Variants in AKIRIN1 observed in about 807,000 individuals in gnomAD.
AKIRIN1 encodes the protein akirin 1, also known as akirin-1.
A neutral mutation model predicts 25.9 loss-of-function variants in AKIRIN1; 4 were observed. The ratio of observed to expected loss-of-function variants is 0.15; its 90% CI spans 0.08 to 0.35. The LOEUF is 0.35. AKIRIN1 is among the 10% of genes least tolerant of loss of function. AKIRIN1 has a pLI of 1.00. For missense variants in AKIRIN1, 243 were observed against 266.1 expected, an observed-to-expected ratio of 0.91 and a Z score of 0.61; for synonymous variants, 125 against 105.1, an observed-to-expected ratio of 1.19 and a Z score of -1.16.
chr1:38,994,361 AT>A (rs1390901720), intron 1 of AKIRIN1, among the ~76,000 whole-genome samples: 1 of 152,174 alleles, frequency 6.6e-6, no homozygotes, highest in East Asian at 1.9e-4. Flanking sequence ...TTAAATCTTT[AT>A]TGAGTGCTAG....
chr1:39,001,740 C>T (rs1049717477), intron 3 of AKIRIN1, among the ~76,000 whole-genome samples: 4 of 152,170 alleles, frequency 2.6e-5, no homozygotes, highest in South Asian at 4.1e-4. Flanking sequence ...TGAAAAGAAA[C>T]AAACCAAGCT....
chr1:38,991,284 C>A lies in AKIRIN1; in HGVS notation c.-97C>A. 2 of 1,084,904 alleles carry A rather than the reference C, an allele frequency of 1.8e-6. No homozygotes were observed. The highest frequency in any genetic ancestry group is 2.4e-6 in the Non-Finnish European group (2 of 830,212). The allele number at this position is 1,084,904 out of a possible 1,614,324, so 67.2% of individuals were successfully genotyped here. A position where few individuals can be genotyped will look rare whatever the true frequency, so the allele number is the denominator to read the frequency against. On this transcript the variant is annotated 5_prime_UTR_variant, in exon 1 of 5. Coordinates refer to ENST00000432648, the MANE Select transcript of AKIRIN1 (RefSeq NM_024595.3). The stretch of plus-strand genomic sequence containing the variant: ...CAGCGCCGCTGCCGGGTGCTGGAGG[C>A]GCCATTGGAGCCGGCTTGGCTGGCG...
chr1:38,998,832 C>A (rs1216911441), intron 2 of AKIRIN1, among the ~76,000 whole-genome samples: 1 of 151,650 alleles, frequency 6.6e-6, no homozygotes, highest in Non-Finnish European at 1.5e-5. Context: ...TGAGATGACA[C>A]CATTGTACTC....
chr1:38,999,706 G>GA (rs1265542078), intron 2 of AKIRIN1, among the ~76,000 whole-genome samples: 2 of 152,016 alleles, frequency 1.3e-5, no homozygotes, highest in Non-Finnish European at 2.9e-5. Flanking sequence ...TATTTGTAGA[G>GA]AAAAAAATAT....
intron 2 of AKIRIN1, among the ~76,000 whole-genome samples, chr1:38,999,575 A>G (rs1643973003): frequency 6.6e-6 from 1 of 152,232 alleles, no homozygotes; most frequent in African/African-American, 2.4e-5. Flanking sequence ...TAAACCTGTC[A>G]GTGGTTACAA....
chr1:38,991,341 T>C lies in AKIRIN1; in HGVS notation c.-40T>C. 1 of 1,331,236 alleles carries C rather than the reference T, an allele frequency of 7.5e-7. No homozygotes were observed. Among genetic ancestry groups the C allele is most frequent in the Non-Finnish European group, 9.6e-7 (1 of 1,042,430 alleles). The allele number at this position is 1,331,236 out of a possible 1,614,324, so 82.5% of individuals were successfully genotyped here. On this transcript the variant is annotated 5_prime_UTR_variant, in exon 1 of 5. Coordinates refer to ENST00000432648, the MANE Select transcript of AKIRIN1 (RefSeq NM_024595.3). The stretch of plus-strand genomic sequence containing the variant: ...GCTGAGGAGCCTCTTGGGCCGCACT[T>C]ACCGCCGCGTCCGCTCCCGGTCCCT...
Position 38,991,482 on chromosome 1 carries a change from C to G in AKIRIN1, c.102C>G (p.Pro34=), listed in dbSNP as rs1455594263. ...GGCGCTGCGCCCCTCTGCCCGGCCC[C>G]ACTCCGGGCCTCAGGCCCCCGGACG... The part of the protein sequence containing the change: ...KRRRCAPLPG[P]TPGLRPPDAE... Residue 34 remains proline (P), a synonymous_variant, in exon 1 of 5, where the codon CCC becomes CCG. Transcript: ENST00000432648. The G allele has an allele frequency of 6.3e-6, 9 of 1,436,140 alleles. No individual in the cohort carries two copies. Among genetic ancestry groups the G allele is most frequent in the Non-Finnish European group, 8.2e-6 (9 of 1,099,900 alleles). 89.0% of individuals were successfully genotyped at this position (1,436,140 alleles called of 1,614,324 possible).
rs1209315803 is a variant in AKIRIN1, at chr1:38,991,432, C to T, written c.52C>T (p.Leu18=). The T allele has an allele frequency of 4.4e-6, 6 of 1,367,132 alleles. No homozygotes were observed. The South Asian group carries it at 5.0e-5, about 11-fold the overall frequency. 84.7% of individuals were successfully genotyped at this position (1,367,132 alleles called of 1,614,324 possible). ...GCCCATGGAGTTCGAGGCGGCGCTG[C>T]TGAGCCCCGGCTCCCCGAAGCGGCG... is the stretch of plus-strand genomic sequence containing the variant. ...KRPMEFEAAL[L]SPGSPKRRRC... The change falls in exon 1 of 5, where the codon CTG becomes TTG. Residue 18 remains leucine (L), a synonymous_variant. Coordinates refer to ENST00000432648, the MANE Select transcript of AKIRIN1 (RefSeq NM_024595.3).
chr1:38,998,338 C>A (rs766088570), intron 2 of AKIRIN1, 27 bp downstream of exon 2: 6 of 1,581,252 alleles, frequency 3.8e-6, no homozygotes, highest in Non-Finnish European at 5.2e-6. Context: ...CTGCAAAATT[C>A]GCATTAAGAG....
chr1:38,998,179 T>C lies in AKIRIN1; in HGVS notation c.229T>C (p.Phe77Leu). 1 of 1,604,008 alleles carries C rather than the reference T, an allele frequency of 6.2e-7. No individual in the cohort carries two copies. The highest frequency in any genetic ancestry group is 8.5e-7 in the Non-Finnish European group (1 of 1,176,486). ...ERRLPTPEQI[F>L]QNIKQEYSRY... ...TGTTTCTTTTTTATTAGAGCAAATT[T>C]TTCAGAACATAAAACAAGAATATAG... is the stretch of plus-strand genomic sequence containing the variant. Residue 77 changes from phenylalanine to leucine, a missense_variant, in exon 2 of 5, where the codon TTT becomes CTT. This residue lies in a region of AKIRIN1 where 190 missense variants were observed against 174.4 expected (regional missense o/e 1.09). Coordinates refer to ENST00000432648, the MANE Select transcript of AKIRIN1 (RefSeq NM_024595.3).
rs747245359 is a variant in AKIRIN1 at position 39,003,360 on chromosome 1, T to G, written c.510T>G (p.Ser170=). 1.5e-5 allele frequency: 24 copies of G among 1,613,730 alleles called. No individual in the cohort carries two copies. Among genetic ancestry groups the G allele is most frequent in the Non-Finnish European group, 1.9e-5 (22 of 1,179,966 alleles). Residue 170 remains serine (S), a synonymous_variant, in exon 4 of 5, where the codon TCT becomes TCG. Transcript: ENST00000432648. ...GTCTTCTCACAGAACAATATGAATC[T>G]TTTGTGAAATTCACACATGATCAGA... ...LNTKLAEQYE[S]FVKFTHDQIM...
At chr1:38,994,404 T>C (rs1018144966) in intron 1 of AKIRIN1, among the ~76,000 whole-genome samples, 6 of 152,220 alleles carry the variant, frequency 3.9e-5, no homozygotes, top group Admixed American at 3.9e-4. Context: ...AGGGGGTTGC[T>C]GACCGCAGGA....
intron 2 of AKIRIN1, 74 bp downstream of exon 2, chr1:38,998,385 G>C (rs1643963558): frequency 6.9e-7 from 1 of 1,457,384 alleles, no homozygotes; most frequent in Non-Finnish European, 9.2e-7. Context: ...ATCTAGAATT[G>C]GCCTCCTCTA....
intron 1 of AKIRIN1, among the ~76,000 whole-genome samples, chr1:38,995,494 A>G (rs1643941253): frequency 6.6e-6 from 1 of 152,212 alleles, no homozygotes; most frequent in Non-Finnish European, 1.5e-5. Flanking sequence ...ATGGCCTTCT[A>G]CAGAAGAAAA....
rs1643988490 is a variant in AKIRIN1, at chr1:39,001,182, A to T, written c.496+76A>T. 4.6e-6 allele frequency: 7 copies of T among 1,514,350 alleles called. 1 individual carries two copies. The Admixed American group carries it at 1.5e-4, about 33-fold the overall frequency. The allele number at this position is 1,514,350 out of a possible 1,614,324, so 93.8% of individuals were successfully genotyped here. A position where few individuals can be genotyped will look rare whatever the true frequency, so the allele number is the denominator to read the frequency against. On this transcript the variant is annotated intron_variant, in intron 3 of 4. Transcript: ENST00000432648. ...TTAACACCAGTTAAATAACTTAGAA[A>T]AAGAGAGTAGGACCTCATGCAAGGG...
intron 1 of AKIRIN1, among the ~76,000 whole-genome samples, chr1:38,997,443 G>A (rs1222250878): frequency 1.3e-5 from 2 of 152,144 alleles, no homozygotes; most frequent in Non-Finnish European, 2.9e-5. Flanking sequence ...TTCCTTGGTC[G>A]ATGTCCACAC....
intron 3 of AKIRIN1, 136 bp downstream of exon 3, chr1:39,001,242 TGGTGA>T (rs759013574): frequency 1.0e-4 from 108 of 1,068,044 alleles, no homozygotes; most frequent in Non-Finnish European, 1.4e-4. Context: ...AGTTACTCTT[TGGTGA>T]TTGTAAACAC....
chr1:38,998,455 A>G (rs1409888616), intron 2 of AKIRIN1, 144 bp downstream of exon 2: 7 of 1,013,066 alleles, frequency 6.9e-6, no homozygotes, highest in Admixed American at 6.9e-5. Flanking sequence ...AAAACTATAC[A>G]GTCATGAAAT....
At chr1:39,003,964 A>C in intron 4 of AKIRIN1, 81 bp from the exon 5 acceptor site, 1 of 1,227,776 alleles carries the variant, frequency 8.1e-7, no homozygotes, top group East Asian at 2.3e-5. Context: ...TCTCACATTT[A>C]CTGTTAGTGA....
Sources: allele counts gnomAD v4.1 joint callset (sites outside exome capture counted in the v4.1 genomes callset), GRCh38; gene constraint gnomAD v4.1.1; regional missense constraint gnomAD v4.1.1; transcripts MANE v1.5; gene names NCBI Gene and HGNC (gene_info 2026-07-23, HGNC 2026-07-21).